The following STPG2 variants were observed in gnomAD, a reference collection of about 807,000 sequenced individuals.
STPG2 encodes the protein sperm-tail PG-rich repeat-containing protein 2.
STPG2 carries 56 observed loss-of-function variants against 54.2 expected under a neutral mutation model. The ratio of observed to expected loss-of-function variants is 1.03; its 90% CI spans 0.83 to 1.29. The LOEUF is 1.29. STPG2 is among the 50% of genes most tolerant of loss of function. STPG2 has a pLI of 0.00. For missense variants in STPG2, 596 were observed against 544.9 expected, an observed-to-expected ratio of 1.09 and a Z score of -0.93; for synonymous variants, 200 against 181.8, an observed-to-expected ratio of 1.10 and a Z score of -0.81.
intron 10 of STPG2, among the ~76,000 whole-genome samples, chr4:97,612,241 T>C (rs1165376438): frequency 1.0e-5 from 1 of 95,572 alleles, no homozygotes; most frequent in East Asian, 2.8e-4. Context: ...GTAAAATGTG[T>C]AAAATGGCAA....
intron 9 of STPG2, among the ~76,000 whole-genome samples, chr4:97,796,059 C>T (rs1456175962): frequency 1.3e-5 from 2 of 151,948 alleles, no homozygotes; most frequent in Non-Finnish European, 1.5e-5. Flanking sequence ...TTGTTTTTTT[C>T]TTGTAAATTT....
At chr4:97,709,098 G>A (rs1381603676) in intron 10 of STPG2, among the ~76,000 whole-genome samples, 2 of 151,644 alleles carry the variant, frequency 1.3e-5, no homozygotes, top group Non-Finnish European at 3.0e-5. Context: ...AAACTTCTAA[G>A]TGCACAATTT....
chr4:98,090,548 T>C (rs1260995443), intron 5 of STPG2, among the ~76,000 whole-genome samples: 1 of 152,104 alleles, frequency 6.6e-6, no homozygotes, highest in Non-Finnish European at 1.5e-5. Context: ...GGCTTTTTTT[T>C]TGTTCCACAT....
chr4:97,467,914 G>T (rs1169928523), intron 4 of STPG2, among the ~76,000 whole-genome samples: 3 of 150,774 alleles, frequency 2.0e-5, no homozygotes, highest in Non-Finnish European at 3.0e-5. Flanking sequence ...CCTAGGTGAG[G>T]TTCTTATGTG....
chr4:97,613,466 GTCA>G (rs1733780267), intron 10 of STPG2, among the ~76,000 whole-genome samples: 1 of 147,870 alleles, frequency 6.8e-6, no homozygotes, highest in African/African-American at 2.5e-5. Context: ...CCACTGTCTA[GTCA>G]TCACCCGTGT....
At chr4:98,010,857 A>T (rs1037776638) in intron 5 of STPG2, among the ~76,000 whole-genome samples, 9 of 152,158 alleles carry the variant, frequency 5.9e-5, no homozygotes, top group African/African-American at 2.2e-4. Flanking sequence ...ATAACAGTTT[A>T]TTTTAAGCTA....
intron 9 of STPG2, among the ~76,000 whole-genome samples, chr4:97,784,390 A>G (rs988578737): frequency 1.3e-5 from 2 of 152,080 alleles, no homozygotes; most frequent in Non-Finnish European, 2.9e-5. Context: ...GCCTTAGCCA[A>G]TTATTTATAA....
intron 4 of STPG2, among the ~76,000 whole-genome samples, chr4:97,455,159 G>C (rs946461039): frequency 6.6e-6 from 1 of 152,102 alleles, no homozygotes; most frequent in African/African-American, 2.4e-5. Context: ...ACTCCTAGGA[G>C]ATAACACAAA....
intron 5 of STPG2, among the ~76,000 whole-genome samples, chr4:98,097,493 C>T (rs1738894583): frequency 6.6e-6 from 1 of 152,090 alleles, no homozygotes; most frequent in Non-Finnish European, 1.5e-5. Flanking sequence ...TAGTAAAAGC[C>T]ATATATGACA....
intron 4 of STPG2, among the ~76,000 whole-genome samples, chr4:97,462,422 T>C (rs1729685989): frequency 1.3e-5 from 2 of 152,056 alleles, no homozygotes; most frequent in Admixed American, 1.3e-4. Flanking sequence ...AATCAGCATG[T>C]CAATTTTCAC....
chr4:98,101,282 T>A (rs913425931), intron 5 of STPG2, among the ~76,000 whole-genome samples: 1 of 152,158 alleles, frequency 6.6e-6, no homozygotes, highest in African/African-American at 2.4e-5. Context: ...GGATCAAGCA[T>A]GAAAGCAAAA....
At chr4:97,876,491 T>G (rs1471155532) in intron 8 of STPG2, among the ~76,000 whole-genome samples, 1 of 152,062 alleles carries the variant, frequency 6.6e-6, no homozygotes, top group Non-Finnish European at 1.5e-5. Context: ...TTTCTAAATA[T>G]AAATGCCATA....
At chr4:98,011,525 G>A (rs1251560258) in intron 5 of STPG2, among the ~76,000 whole-genome samples, 1 of 152,140 alleles carries the variant, frequency 6.6e-6, no homozygotes, top group Non-Finnish European at 1.5e-5. Context: ...AGATCCTTGA[G>A]GAATTGCCAC....
At chr4:98,007,298 C>T (rs534073012) in intron 5 of STPG2, among the ~76,000 whole-genome samples, 88 of 152,280 alleles carry the variant, frequency 5.8e-4, no homozygotes, top group African/African-American at 2.1e-3. Flanking sequence ...CCTGCTCACC[C>T]GCCTGGTACA....
chr4:97,873,791 T>G (rs1467839459), intron 8 of STPG2, among the ~76,000 whole-genome samples: 1 of 151,600 alleles, frequency 6.6e-6, no homozygotes, highest in Non-Finnish European at 1.5e-5. Context: ...CTTGCAAAAT[T>G]AAAATTCTAA....
intron 10 of STPG2, among the ~76,000 whole-genome samples, chr4:97,613,234 T>A (rs1733773848): frequency 6.6e-6 from 1 of 152,106 alleles, no homozygotes; most frequent in Non-Finnish European, 1.5e-5. Flanking sequence ...ATCTGGTCTG[T>A]CATAGTTCCT....
chr4:97,857,979 C>T (rs773493303), intron 8 of STPG2, among the ~76,000 whole-genome samples: 4 of 151,642 alleles, frequency 2.6e-5, no homozygotes, highest in Non-Finnish European at 1.5e-5. Flanking sequence ...AGAAAAGCTA[C>T]GTGAAAATAT....
chr4:97,573,888 G>A (rs1451965063), intron 10 of STPG2, among the ~76,000 whole-genome samples: 21 of 152,098 alleles, frequency 1.4e-4, no homozygotes, highest in Non-Finnish European at 1.5e-5. Flanking sequence ...GATAGAGCCA[G>A]TGCCCTTATA....
intron 10 of STPG2, among the ~76,000 whole-genome samples, chr4:97,604,673 A>C (rs529241466): frequency 2.6e-5 from 4 of 151,794 alleles, no homozygotes; most frequent in Non-Finnish European, 5.9e-5. Context: ...AGAAAATTCA[A>C]AGAAATAAGG....
Sources: allele counts gnomAD v4.1 joint callset (sites outside exome capture counted in the v4.1 genomes callset), GRCh38; gene constraint gnomAD v4.1.1; transcripts MANE v1.5; gene names NCBI Gene and HGNC (gene_info 2026-07-23, HGNC 2026-07-21).